JAKMIP1: variants seen among roughly 807,000 people sequenced by gnomAD.
The protein encoded by JAKMIP1 is janus kinase and microtubule interacting protein 1.
Under a neutral mutation model 113.0 loss-of-function variants are expected in JAKMIP1, and 33 were observed. The ratio of observed to expected loss-of-function variants is 0.29; its 90% CI spans 0.22 to 0.39. JAKMIP1 has a LOEUF of 0.39. Ranked by LOEUF, JAKMIP1 falls within the 10% of genes least tolerant of loss-of-function variation. The probability of loss-of-function intolerance (pLI) is 1.00; values close to 1 mark genes in which losing one functional copy is unlikely to be tolerated. For missense variants in JAKMIP1, 813 were observed against 1,080.5 expected (o/e 0.75, Z 3.47); for synonymous variants, 480 against 459.9 (o/e 1.04, Z -0.56).
intron 2 of JAKMIP1, among the ~76,000 whole-genome samples, chr4:6,109,991 G>A (rs948928713): frequency 4.6e-5 from 7 of 152,176 alleles, no homozygotes; most frequent in Non-Finnish European, 1.0e-4. Flanking sequence ...AGTGGAAATT[G>A]CCACACGTCC....
intron 1 of JAKMIP1, among the ~76,000 whole-genome samples, chr4:6,190,633 C>T (rs371673757): frequency 1.3e-5 from 2 of 152,102 alleles, no homozygotes; most frequent in East Asian, 1.9e-4. Context: ...GCAGGCGGCA[C>T]GATGCCAGGC....
intron 1 of JAKMIP1, among the ~76,000 whole-genome samples, chr4:6,170,740 G>A (rs1724491261): frequency 1.7e-5 from 1 of 59,868 alleles, no homozygotes; most frequent in Admixed American, 1.6e-4. Context: ...CACCACCCTT[G>A]CCACCACAAT....
At position 6,140,062 on chromosome 4, in the gene JAKMIP1, C is replaced by A. The variant is rs1719888260; in HGVS notation, c.-147-27065G>T. ...CTTGTGTATTCCATGGTACAGCGGC[C>A]CTAGGAAACGAATATATTTATTAGA... On this transcript the variant is annotated intron_variant, in intron 1 of 20. Transcript: ENST00000409021. The surrounding 1 kb of genome is among the most constrained non-coding windows in gnomAD (Gnocchi z 9.4). Among the ~76,000 whole-genome samples the A allele has an allele frequency of 6.6e-6, 1 of 151,962 alleles. No individual in the cohort carries two copies. The highest frequency in any genetic ancestry group is 2.1e-4 in the South Asian group (1 of 4,818).
Position 6,153,700 on chromosome 4 carries a change from T to C in JAKMIP1, c.-147-40703A>G, listed in dbSNP as rs1280370633. ...ACTTTTCTTTAACACTACTGACTTTTGAAAAACCTGTACACTACTTCAGCC... is the reference window on the plus strand; with the variant it reads ...ACTTTTCTTTAACACTACTGACTTTCGAAAAACCTGTACACTACTTCAGCC... On this transcript the variant is annotated intron_variant, in intron 1 of 20. Transcript: ENST00000409021. The surrounding 1 kb of genome is among the most constrained non-coding windows in gnomAD (Gnocchi z 4.9). Among the ~76,000 whole-genome samples, 1 of 152,196 alleles carries C rather than the reference T, an allele frequency of 6.6e-6. No homozygotes were observed. Among genetic ancestry groups the C allele is most frequent in the African/African-American group, 2.4e-5 (1 of 41,450 alleles).
intron 1 of JAKMIP1, among the ~76,000 whole-genome samples, chr4:6,122,594 G>A (rs1467639354): frequency 1.3e-5 from 2 of 152,200 alleles, no homozygotes; most frequent in Non-Finnish European, 2.9e-5. Context: ...ATAAATAGAG[G>A]TTAGAGGGAG....
In JAKMIP1 at chr4:6,158,852, T is replaced by C. The variant is rs1196322884; in HGVS notation, c.-148+41401A>G. Reference sequence around the variant, plus strand: ...ACCTGTAATCTCATCACTTTGGGAGTTTGAAGCAGGAGGATCGCTTGACCT... The same window carrying C: ...ACCTGTAATCTCATCACTTTGGGAGCTTGAAGCAGGAGGATCGCTTGACCT... On this transcript the variant is annotated intron_variant, in intron 1 of 20. Transcript: ENST00000409021. This position sits in a 1 kb window ranked among gnomAD's most constrained non-coding sequence, Gnocchi z 5.3. Among the ~76,000 whole-genome samples the C allele has an allele frequency of 1.3e-5, 2 of 151,530 alleles. No individual in the cohort carries two copies. Among genetic ancestry groups the C allele is most frequent in the Admixed American group, 6.6e-5 (1 of 15,212 alleles).
rs1465534611 is a variant in JAKMIP1, at chr4:6,062,431, G to C, written c.1441C>G (p.Arg481Gly). ...CAGAAGCGCAGGTCAGCCTCCTCTC[G>C]GGCTGTGGCCTTCACATAATGGAGA... ...PEEDLDDATA[R>G]EEADLRFCQL... Residue 481 changes from arginine (R) to glycine (G), a missense_variant, in exon 10 of 21, where the codon CGA (arginine) becomes GGA (glycine). Arg to Gly is a moderately radical substitution (Grantham distance 125). Around this residue, in one of 2 missense-constraint regions of JAKMIP1, gnomAD observed 540 missense variants for 653.9 expected, o/e 0.83. Coordinates refer to ENST00000409021, the MANE Select transcript of JAKMIP1 (RefSeq NM_001099433.2). The C allele has an allele frequency of 6.2e-7, 1 of 1,613,196 alleles. No homozygotes were observed. Among genetic ancestry groups the C allele is most frequent in the Non-Finnish European group, 8.5e-7 (1 of 1,179,412 alleles).
At position 6,199,777 on chromosome 4, in the gene JAKMIP1, G is replaced by A. The variant is rs1728246048; in HGVS notation, c.-148+476C>T. The stretch of plus-strand genomic sequence containing the variant: ...CCAGCTCCATCTTCTTTGCCACCTG[G>A]GCGGAGATCTGGGGGACTGTGACCT... On this transcript the variant is annotated intron_variant, in intron 1 of 20. Transcript: ENST00000409021. This position sits in a 1 kb window ranked among gnomAD's most constrained non-coding sequence, Gnocchi z 5.6. Among the ~76,000 whole-genome samples the A allele has an allele frequency of 6.6e-6, 1 of 151,662 alleles. No individual in the cohort carries two copies. The highest frequency in any genetic ancestry group is 2.1e-4 in the South Asian group (1 of 4,814).
chr4:6,105,553 C>A lies in JAKMIP1; in HGVS notation c.544G>T (p.Asp182Tyr). ...TGCGCCTGGTAGGCGGCACGCAGGT[C>A]GGCTGCCTTGGTCTTGTCAGCCTGC... ...CMQADKTKAADLRAAYQAHQD... is the reference protein window; with the variant it reads ...CMQADKTKAAYLRAAYQAHQD... Residue 182 changes from aspartate (D) to tyrosine (Y), a missense_variant, in exon 3 of 21, where the codon GAC becomes TAC. Physicochemically the swap from Asp to Tyr is radical, Grantham distance 160 (BLOSUM62 -3). Around this residue, in one of 2 missense-constraint regions of JAKMIP1, gnomAD observed 540 missense variants for 653.9 expected, o/e 0.83. Coordinates refer to ENST00000409021, the MANE Select transcript of JAKMIP1 (RefSeq NM_001099433.2). 1 of 1,604,122 alleles carries A rather than the reference C, an allele frequency of 6.2e-7. No homozygotes were observed. Among genetic ancestry groups the A allele is most frequent in the Non-Finnish European group, 8.5e-7 (1 of 1,175,616 alleles).
intron 8 of JAKMIP1, among the ~76,000 whole-genome samples, chr4:6,073,277 G>C (rs1719242313): frequency 6.6e-6 from 1 of 152,056 alleles, no homozygotes; most frequent in African/African-American, 2.4e-5. Context: ...TGTTTTGATA[G>C]GTCCCATCAG....
At chr4:6,177,724 C>T in intron 1 of JAKMIP1, among the ~76,000 whole-genome samples, 1 of 152,258 alleles carries the variant, frequency 6.6e-6, no homozygotes, top group East Asian at 1.9e-4. Context: ...ATGGCTGCAT[C>T]CCCCAAACAT....
Position 6,099,328 on chromosome 4 carries a change from A to G in JAKMIP1, c.624+6145T>C, listed in dbSNP as rs1193748116. On this transcript the variant is annotated intron_variant, in intron 3 of 20. Transcript: ENST00000409021. ...TGCTACCCTCTTTTAGTGCAAACAG[A>G]TTTCTTTAGTCTCTCATTTTATTTC... Among the ~76,000 whole-genome samples, 5 of 151,648 alleles carry G rather than the reference A, an allele frequency of 3.3e-5. No homozygotes were observed. The East Asian group carries it at 9.7e-4, about 29-fold the overall frequency.
rs549031403 is a variant in JAKMIP1 at position 6,065,910 on chromosome 4, A to G, written c.1303-902T>C. Among the ~76,000 whole-genome samples, 1 of 152,372 alleles carries G rather than the reference A, an allele frequency of 6.6e-6. No individual in the cohort carries two copies. Among genetic ancestry groups the G allele is most frequent in the African/African-American group, 2.4e-5 (1 of 41,592 alleles). On this transcript the variant is annotated intron_variant, in intron 8 of 20. Transcript: ENST00000409021. The surrounding 1 kb of genome is among the most constrained non-coding windows in gnomAD (Gnocchi z 5.1). ...ATAACCAGGCCAGGTCCCTGCCCCAAGGAGCTTGCATCCCCTAGGGGCTAC... is the reference window on the plus strand; with the variant it reads ...ATAACCAGGCCAGGTCCCTGCCCCAGGGAGCTTGCATCCCCTAGGGGCTAC...
chr4:6,051,203 A>T lies in JAKMIP1; in HGVS notation c.1807-524T>A, dbSNP rs1715615432. ...GGCAGGGCCAGGACCCCAAAGGCTG[A>T]CTTTCTTTCTTTTTCTTTCCTTTTT... On this transcript the variant is annotated intron_variant, in intron 13 of 20. Coordinates refer to ENST00000409021, the MANE Select transcript of JAKMIP1 (RefSeq NM_001099433.2). This position sits in a 1 kb window ranked among gnomAD's most constrained non-coding sequence, Gnocchi z 5.0. Among the ~76,000 whole-genome samples, 1 of 148,632 alleles carries T rather than the reference A, an allele frequency of 6.7e-6. No individual in the cohort carries two copies. Among genetic ancestry groups the T allele is most frequent in the Non-Finnish European group, 1.5e-5 (1 of 67,596 alleles).
At chr4:6,120,220 C>T (rs1426705299) in intron 1 of JAKMIP1, among the ~76,000 whole-genome samples, 5 of 150,406 alleles carry the variant, frequency 3.3e-5, no homozygotes, top group Non-Finnish European at 7.4e-5. Flanking sequence ...ACTTAATGAG[C>T]CCTTAGGAAA....
intron 1 of JAKMIP1, among the ~76,000 whole-genome samples, chr4:6,127,164 G>T (rs1227742549): frequency 6.6e-6 from 1 of 152,214 alleles, no homozygotes; most frequent in Non-Finnish European, 1.5e-5. Context: ...GGGGGCTTCA[G>T]AGCCTGGCAC....
rs549456814 is a variant in JAKMIP1 at position 6,081,015 on chromosome 4, C to CAAA, written c.1101+593_1101+594insTTT. On this transcript the variant is annotated intron_variant, in intron 6 of 20. Coordinates refer to ENST00000409021, the MANE Select transcript of JAKMIP1 (RefSeq NM_001099433.2). The surrounding 1 kb of genome is among the most constrained non-coding windows in gnomAD (Gnocchi z 4.6). ...CACACACACACACACACACACACAC[C>CAAA]TGCATCTGCTACAGTGCAGACAGCA... Among the ~76,000 whole-genome samples the CAAA allele has an allele frequency of 1.2e-3, 40 of 33,686 alleles. No homozygotes were observed. The highest frequency in any genetic ancestry group is 5.4e-3 in the African/African-American group (40 of 7,372). 22.1% of individuals were successfully genotyped at this position (33,686 alleles called of 152,430 possible).
In JAKMIP1 at chr4:6,168,087, A is replaced by T. The variant is rs1723879893; in HGVS notation, c.-148+32166T>A. ...GGTAATACCAATCAAAACCGCAGTG[A>T]GACGGCACCACACACCACCCAGGAC... On this transcript the variant is annotated intron_variant, in intron 1 of 20. Transcript: ENST00000409021. The surrounding 1 kb of genome is among the most constrained non-coding windows in gnomAD (Gnocchi z 4.6). Among the ~76,000 whole-genome samples the T allele has an allele frequency of 6.6e-6, 1 of 152,222 alleles. No individual in the cohort carries two copies. The highest frequency in any genetic ancestry group is 6.5e-5 in the Admixed American group (1 of 15,280).
intron 1 of JAKMIP1, among the ~76,000 whole-genome samples, chr4:6,172,522 G>A (rs550609745): frequency 6.6e-6 from 1 of 151,716 alleles, no homozygotes; most frequent in Non-Finnish European, 1.5e-5. Context: ...GGAGGAGAGA[G>A]GACACGGCCC....
Sources: allele counts gnomAD v4.1 joint callset (sites outside exome capture counted in the v4.1 genomes callset), GRCh38; gene constraint gnomAD v4.1.1; regional missense constraint gnomAD v4.1.1; non-coding constraint Gnocchi (gnomAD v3.1); transcripts MANE v1.5; gene names NCBI Gene and HGNC (gene_info 2026-07-23, HGNC 2026-07-21).